Variants in ZC3H12B observed in about 807,000 individuals in gnomAD.
ZC3H12B encodes the protein zinc finger CCCH-type containing 12B, also known as probable ribonuclease ZC3H12B.
In ZC3H12B, 7 loss-of-function variants were observed where a neutral mutation model predicts 43.9. The ratio of observed to expected loss-of-function variants is 0.16; its 90% confidence interval spans 0.09 to 0.30. ZC3H12B has a LOEUF of 0.30. Among genes scored for constraint, ZC3H12B ranks in the 10% least tolerant of loss-of-function variants. The pLI, the probability that ZC3H12B is intolerant of heterozygous loss-of-function variation, is 1.00. For synonymous variants in ZC3H12B, 222 were observed against 241.7 expected, an observed-to-expected ratio of 0.92 and a Z score of 0.76; for missense variants, 475 against 670.2, an observed-to-expected ratio of 0.71 and a Z score of 3.22.
At chrX:65,470,179 T>C (rs1163459797) in intron 3 of ZC3H12B, 1 of 119,940 alleles carries the variant, frequency 8.3e-6, no homozygotes, top group Non-Finnish European at 1.8e-5. Flanking sequence ...GAGTACCTGA[T>C]GTGAGCCTAC....
chrX:65,035,240 G>T, the ZC3H12B span, among the ~76,000 whole-genome samples: 2 of 111,975 alleles, frequency 1.8e-5, no homozygotes, highest in African/African-American at 6.5e-5. Context: ...CGTCGAGCAG[G>T]GCGACGACGG....
intron 2 of ZC3H12B, among the ~76,000 whole-genome samples, chrX:65,385,909 G>T (rs919856151): frequency 2.7e-5 from 3 of 112,190 alleles, no homozygotes; most frequent in Admixed American, 1.9e-4. Context: ...TAATCATGTG[G>T]TTTTTGTCTT....
At chrX:65,357,051 G>A in the ZC3H12B span, 14 of 581,994 alleles carry the variant, frequency 2.4e-5, no homozygotes, top group Non-Finnish European at 4.2e-5. Flanking sequence ...GCTGAGCTGG[G>A]TCTCCTTGAA....
the ZC3H12B span, among the ~76,000 whole-genome samples, chrX:65,175,241 G>C: frequency 2.7e-5 from 3 of 111,958 alleles, no homozygotes; most frequent in Non-Finnish European, 3.8e-5. Flanking sequence ...GAGATGAACT[G>C]TGTACCTCAT....
chrX:65,248,924 ATTGT>A, the ZC3H12B span, among the ~76,000 whole-genome samples: 3 of 110,229 alleles, frequency 2.7e-5, no homozygotes, highest in African/African-American at 9.9e-5. Context: ...TTTTGATGGG[ATTGT>A]TTGTTTTGTT....
At chrX:65,189,446 T>C in the ZC3H12B span, among the ~76,000 whole-genome samples, 2 of 102,965 alleles carry the variant, frequency 1.9e-5, no homozygotes, top group Non-Finnish European at 3.9e-5. Flanking sequence ...CTCCACATCC[T>C]CTCCAGCACC....
the ZC3H12B span, among the ~76,000 whole-genome samples, chrX:65,102,504 T>C: frequency 8.9e-6 from 1 of 111,821 alleles, no homozygotes; most frequent in Non-Finnish European, 1.9e-5. Flanking sequence ...TCAGCCCAAA[T>C]ACTCCTTAAG....
chrX:65,185,343 C>T, the ZC3H12B span: 24 of 111,945 alleles, frequency 2.1e-4, no homozygotes, highest in African/African-American at 7.8e-4. Context: ...TGTATGTGGT[C>T]CTGACAGATA....
the ZC3H12B span, among the ~76,000 whole-genome samples, chrX:65,163,056 TCAG>T: frequency 9.0e-6 from 1 of 111,313 alleles, no homozygotes; most frequent in Non-Finnish European, 1.9e-5. Context: ...TGCCTGGGAG[TCAG>T]CAGTGGTGGC....
At chrX:65,252,746 C>T in the ZC3H12B span, among the ~76,000 whole-genome samples, 1 of 111,772 alleles carries the variant, frequency 8.9e-6, no homozygotes, top group African/African-American at 3.3e-5. Context: ...CATTATTATA[C>T]GTTGTCAGTG....
At chrX:65,203,527 A>C in the ZC3H12B span, among the ~76,000 whole-genome samples, 1 of 109,792 alleles carries the variant, frequency 9.1e-6, no homozygotes, top group Admixed American at 9.8e-5. Flanking sequence ...AGTGTCATCT[A>C]GGATTTGGGG....
the ZC3H12B span, among the ~76,000 whole-genome samples, chrX:65,109,147 C>G: frequency 3.6e-5 from 4 of 111,358 alleles, no homozygotes; most frequent in South Asian, 1.5e-3. Context: ...TATTAGCCAC[C>G]AGATTATTGT....
the ZC3H12B span, among the ~76,000 whole-genome samples, chrX:65,174,484 C>A: frequency 2.7e-5 from 3 of 111,793 alleles, no homozygotes; most frequent in African/African-American, 9.7e-5. Flanking sequence ...CCACATCCAC[C>A]CCTTCCCCAG....
At chrX:65,140,309 A>T in the ZC3H12B span, among the ~76,000 whole-genome samples, 2 of 110,924 alleles carry the variant, frequency 1.8e-5, no homozygotes, top group South Asian at 7.5e-4. Flanking sequence ...TTACGAAGGG[A>T]TGTTGAATTT....
the ZC3H12B span, among the ~76,000 whole-genome samples, chrX:65,160,321 G>C: frequency 2.7e-5 from 3 of 111,908 alleles, no homozygotes; most frequent in Middle Eastern, 4.6e-3. Context: ...GATTGGAATA[G>C]TTTCAGAAGG....
At chrX:65,184,029 G>A in the ZC3H12B span, among the ~76,000 whole-genome samples, 1 of 111,011 alleles carries the variant, frequency 9.0e-6, no homozygotes, top group Non-Finnish European at 1.9e-5. Context: ...GGAATTCCAG[G>A]TGAGGTTGAA....
chrX:65,329,902 G>C, the ZC3H12B span, among the ~76,000 whole-genome samples: 2 of 111,058 alleles, frequency 1.8e-5, no homozygotes, highest in African/African-American at 3.3e-5. Context: ...TGTTCCATTG[G>C]TCTATATCTC....
chrX:65,104,513 G>A, the ZC3H12B span, among the ~76,000 whole-genome samples: 6 of 111,240 alleles, frequency 5.4e-5, no homozygotes, highest in East Asian at 8.6e-4. Flanking sequence ...CAATCTAACC[G>A]TTTGCAAAGG....
chrX:65,353,711 T>G, the ZC3H12B span, among the ~76,000 whole-genome samples: 1 of 111,980 alleles, frequency 8.9e-6, no homozygotes, highest in Non-Finnish European at 1.9e-5. Flanking sequence ...TAAGATCCAC[T>G]GGCTTGAAAT....
Sources: gnomAD v4.1 joint callset for allele counts (sites outside exome capture counted in the v4.1 genomes callset) on GRCh38, gnomAD v4.1.1 for gene constraint, MANE v1.5 for transcripts, NCBI Gene and HGNC (gene_info 2026-07-23, HGNC 2026-07-21) for gene names.